Variants in SUCLG2 observed in about 807,000 individuals in gnomAD.
SUCLG2 encodes succinate-CoA ligase GDP-forming subunit beta.
Under a neutral mutation model 47.9 loss-of-function variants are expected in SUCLG2, and 42 were observed. The ratio of observed to expected loss-of-function variants is 0.88; its 90% CI spans 0.69 to 1.14. The LOEUF is 1.14. Ranked by LOEUF, SUCLG2 falls within the 50% of genes most tolerant of loss-of-function variation. The pLI, the probability that SUCLG2 is intolerant of heterozygous loss-of-function variation, is 0.00. For missense variants in SUCLG2, 571 were observed against 525.9 expected, an observed-to-expected ratio of 1.09 and a Z score of -0.84; for synonymous variants, 195 against 197.3, an observed-to-expected ratio of 0.99 and a Z score of 0.10.
chr3:67,616,834 T>C (rs1272323672), intron 1 of SUCLG2, among the ~76,000 whole-genome samples: 3 of 152,208 alleles, frequency 2.0e-5, no homozygotes, highest in African/African-American at 7.2e-5. Flanking sequence ...CTGTTAGATA[T>C]GAAGAGGCTC....
chr3:67,388,291 G>A (rs1215572818), intron 10 of SUCLG2, among the ~76,000 whole-genome samples: 1 of 152,116 alleles, frequency 6.6e-6, no homozygotes, highest in African/African-American at 2.4e-5. Flanking sequence ...TAAGAATCTG[G>A]GATCTTTATC....
chr3:67,529,122 A>G lies in SUCLG2; in HGVS notation c.291T>C (p.Asn97=), dbSNP rs764556301. The change falls in exon 3 of 11, where the codon AAT becomes AAC. Residue 97 remains asparagine, a synonymous_variant. Coordinates refer to ENST00000307227, the MANE Select transcript of SUCLG2 (RefSeq NM_003848.4). ...AATGAACACCTCCTTTCAAACCACT[A>G]TTGAAGACACCTTTTCCTCTTCCTC... ...LAGGRGKGVF[N]SGLKGGVHLT... is the part of the protein sequence containing the mutation. 7 of 1,613,226 alleles carry G rather than the reference A, an allele frequency of 4.3e-6. No individual in the cohort carries two copies. The African/African-American group carries it at 5.3e-5, about 12-fold the overall frequency.
chr3:67,470,045 CA>C (rs200817099), intron 9 of SUCLG2, among the ~76,000 whole-genome samples: 23,074 of 96,374 alleles, frequency 0.24, 1,794 homozygotes, highest in East Asian at 0.31. Flanking sequence ...AACTCCATAT[CA>C]AAAAAAAAAA....
intron 2 of SUCLG2, among the ~76,000 whole-genome samples, chr3:67,561,320 T>G (rs1360499177): frequency 6.6e-6 from 1 of 152,042 alleles, no homozygotes; most frequent in African/African-American, 2.4e-5. Flanking sequence ...TGGACACAGA[T>G]GAGCACCAAG....
In SUCLG2 at chr3:67,545,685, T is replaced by A. The variant is rs1172448998; in HGVS notation, c.227-16499A>T. 3.9e-5 allele frequency among the ~76,000 whole-genome samples: 6 copies of A among 152,066 alleles called. No individual in the cohort carries two copies. In the South Asian group the frequency reaches 8.3e-4, roughly 21 times the overall value. On this transcript the variant is annotated intron_variant, in intron 2 of 10. Coordinates refer to ENST00000307227, the MANE Select transcript of SUCLG2 (RefSeq NM_003848.4). ...TTCTCTTTATGCCACTTTCTTTGGT[T>A]TCCTCCTTCTCTCCTTCCCTGCCTC...
At chr3:67,600,257 AT>A (rs1338603008) in intron 2 of SUCLG2, among the ~76,000 whole-genome samples, 2 of 152,118 alleles carry the variant, frequency 1.3e-5, no homozygotes, top group Non-Finnish European at 2.9e-5. Context: ...GAAAATTTTT[AT>A]TTTTATCTGC....
chr3:67,377,353 G>C (rs571735030), intron 10 of SUCLG2, among the ~76,000 whole-genome samples: 1 of 152,348 alleles, frequency 6.6e-6, no homozygotes, highest in African/African-American at 2.4e-5. Context: ...GAGTGTAAAA[G>C]CATTTTTGTA....
intron 10 of SUCLG2, among the ~76,000 whole-genome samples, chr3:67,386,979 CTTTG>C (rs1702274236): frequency 6.6e-6 from 1 of 152,148 alleles, no homozygotes; most frequent in East Asian, 1.9e-4. Context: ...TTGCCTCTCT[CTTTG>C]TATCTCTTTC....
rs1030782682 is a variant in SUCLG2, at chr3:67,654,603, G to A, written c.-17C>T. 3.2e-6 allele frequency: 4 copies of A among 1,266,052 alleles called. No homozygotes were observed. Among genetic ancestry groups the A allele is most frequent in the Non-Finnish European group, 3.0e-6 (3 of 1,003,834 alleles). The allele number at this position is 1,266,052 out of a possible 1,614,324, so 78.4% of individuals were successfully genotyped here. A position where few individuals can be genotyped will look rare whatever the true frequency, so the allele number is the denominator to read the frequency against. ...GGACGCCATCTTAAACAGGAAACTC[G>A]GCACGGGGCAGTAGGGCGGGCGCGG... is the stretch of plus-strand genomic sequence containing the variant. On this transcript the variant is annotated 5_prime_UTR_variant, in exon 1 of 11. Coordinates refer to ENST00000307227, the MANE Select transcript of SUCLG2 (RefSeq NM_003848.4).
At chr3:67,462,287 A>T (rs1047108247) in intron 9 of SUCLG2, among the ~76,000 whole-genome samples, 8 of 152,138 alleles carry the variant, frequency 5.3e-5, no homozygotes, top group Non-Finnish European at 1.0e-4. Context: ...ATTATGGGTC[A>T]TTAGACCCTC....
At chr3:67,581,741 G>A (rs145227317) in intron 2 of SUCLG2, among the ~76,000 whole-genome samples, 506 of 152,308 alleles carry the variant, frequency 3.3e-3, no homozygotes, top group Admixed American at 7.6e-3. Flanking sequence ...GACACTTCTT[G>A]GAGTATTAGG....
At chr3:67,435,988 A>T (rs1703609545) in intron 9 of SUCLG2, among the ~76,000 whole-genome samples, 2 of 152,338 alleles carry the variant, frequency 1.3e-5, no homozygotes, top group South Asian at 4.1e-4. Context: ...CTATCCGAAG[A>T]GATGCATACG....
intron 9 of SUCLG2, among the ~76,000 whole-genome samples, chr3:67,448,100 C>G (rs561346152): frequency 6.6e-6 from 1 of 152,108 alleles, no homozygotes; most frequent in South Asian, 2.1e-4. Context: ...TTACTTCTAA[C>G]AATTTATCAG....
At chr3:67,603,545 G>C (rs754186795) in intron 2 of SUCLG2, among the ~76,000 whole-genome samples, 5 of 152,142 alleles carry the variant, frequency 3.3e-5, no homozygotes, top group Non-Finnish European at 7.4e-5. Context: ...CTCCATTTTA[G>C]GATGCATGTC....
intron 10 of SUCLG2, among the ~76,000 whole-genome samples, chr3:67,386,049 T>C (rs1343952629): frequency 1.3e-5 from 2 of 152,178 alleles, no homozygotes; most frequent in South Asian, 4.1e-4. Flanking sequence ...CTGTGGACCA[T>C]ACTCTGAGAA....
At chr3:67,397,556 G>A (rs927470729) in intron 10 of SUCLG2, among the ~76,000 whole-genome samples, 5 of 152,292 alleles carry the variant, frequency 3.3e-5, no homozygotes, top group Admixed American at 3.3e-4. Context: ...CATGCTCATG[G>A]ATAGGAAGAA....
chr3:67,526,727 C>A (rs1706266825), intron 4 of SUCLG2, among the ~76,000 whole-genome samples: 1 of 152,190 alleles, frequency 6.6e-6, no homozygotes, highest in Non-Finnish European at 1.5e-5. Flanking sequence ...GAACCCTGAC[C>A]ACTTACACAT....
chr3:67,544,004 G>T (rs375761114), intron 2 of SUCLG2, among the ~76,000 whole-genome samples: 127 of 152,234 alleles, frequency 8.3e-4, no homozygotes, highest in South Asian at 1.9e-3. Context: ...AAAGAGTCAC[G>T]CAAGAAAACT....
chr3:67,434,539 C>A (rs1575692919), intron 9 of SUCLG2, among the ~76,000 whole-genome samples: 1 of 152,130 alleles, frequency 6.6e-6, no homozygotes. Flanking sequence ...ACAACAATAA[C>A]AACAATGTGG....
Sources: gnomAD v4.1 joint callset for allele counts (sites outside exome capture counted in the v4.1 genomes callset) on GRCh38, gnomAD v4.1.1 for gene constraint, MANE v1.5 for transcripts, NCBI Gene and HGNC (gene_info 2026-07-23, HGNC 2026-07-21) for gene names.